The following BICRA variants were observed in gnomAD, a reference collection of about 807,000 sequenced individuals.
The protein encoded by BICRA is BRD4 interacting chromatin remodeling complex associated protein.
BICRA carries 31 observed loss-of-function variants against 96.9 expected under a neutral mutation model. The observed-to-expected ratio is 0.32, with a 90% CI of 0.24 to 0.43. The LOEUF (loss-of-function observed/expected upper bound fraction) is 0.43. Among genes scored for constraint, BICRA ranks in the 20% least tolerant of loss-of-function variants. BICRA has a pLI of 1.00. For missense variants in BICRA, 2,283 were observed against 2,190.3 expected, an observed-to-expected ratio of 1.04 and a Z score of -0.84; for synonymous variants, 1,350 against 1,071.8, an observed-to-expected ratio of 1.26 and a Z score of -5.07.
chr19:47,617,933 C>G (rs1972009210), intron 1 of BICRA, among the ~76,000 whole-genome samples: 3 of 152,182 alleles, frequency 2.0e-5, no homozygotes, highest in Admixed American at 2.0e-4. Context: ...TTCAGCACCT[C>G]CAGAGTCTGT....
intron 11 of BICRA, among the ~76,000 whole-genome samples, chr19:47,697,489 G>A (rs1362197454): frequency 6.6e-6 from 1 of 151,230 alleles, no homozygotes; most frequent in African/African-American, 2.4e-5. Context: ...GTTTTGTTTT[G>A]TTTTTGGAGA....
At position 47,698,595 on chromosome 19, in the gene BICRA, C is replaced by A. The variant is rs28399236; in HGVS notation, c.3249-39C>A. On this transcript the variant is annotated intron_variant, in intron 11 of 14. Transcript: ENST00000594866. The surrounding 1 kb of genome is among the most constrained non-coding windows in gnomAD (Gnocchi z 4.8). ...CCCTGGCCCTCACCCGTCCCCCCCA[C>A]CCTCCGCCGTGTGTGGTCTCTCCCC... is the stretch of plus-strand genomic sequence containing the variant. 1 of 927,912 alleles carries A rather than the reference C, an allele frequency of 1.1e-6. No individual in the cohort carries two copies. The highest frequency in any genetic ancestry group is 1.8e-6 in the Non-Finnish European group (1 of 565,684). 57.5% of individuals were successfully genotyped at this position (927,912 alleles called of 1,614,324 possible). A position where few individuals can be genotyped will look rare whatever the true frequency, so the allele number is the denominator to read the frequency against.
At chr19:47,667,813 G>A (rs190062791) in intron 1 of BICRA, among the ~76,000 whole-genome samples, 5 of 152,260 alleles carry the variant, frequency 3.3e-5, no homozygotes, top group East Asian at 1.9e-4. Context: ...ACCCAGCCTC[G>A]CGATAGTGCC....
At position 47,701,404 on chromosome 19, in the gene BICRA, C is replaced by A; in HGVS notation, c.3672C>A (p.His1224Gln). Residue 1224 changes from histidine to glutamine, a missense_variant, in exon 15 of 15, where the codon CAC (histidine) becomes CAA (glutamine). By Grantham distance (24) the His-to-Gln change is conservative. Coordinates refer to ENST00000594866, the MANE Select transcript of BICRA (RefSeq NM_001394372.1). The surrounding 1 kb of genome is among the most constrained non-coding windows in gnomAD (Gnocchi z 5.4). ...CCGAGGGTCATCGGCTTCCCGGCCA[C>A]GGCCCCCTGTCGTCTTCAGCTCCCG... is the stretch of plus-strand genomic sequence containing the variant. ...ASSEGHRLPG[H>Q]GPLSSSAPGA... 1.2e-6 allele frequency: 2 copies of A among 1,601,782 alleles called. No homozygotes were observed. Among genetic ancestry groups the A allele is most frequent in the Non-Finnish European group, 1.7e-6 (2 of 1,175,036 alleles).
At chr19:47,637,046 C>A (rs529365984) in intron 1 of BICRA, among the ~76,000 whole-genome samples, 2 of 150,102 alleles carry the variant, frequency 1.3e-5, no homozygotes, top group Non-Finnish European at 2.9e-5. Context: ...TTGCGCGTCT[C>A]TCTCACTGCT....
In BICRA at chr19:47,699,538, AC is replaced by A; in HGVS notation, c.3595+135del. Reference sequence around the variant, plus strand: ...CACCACTAGGCGGTGCCCCAGCTCCACCTTCCTGCTGGCAGCTGTGCCTCCC... The same window carrying A: ...CACCACTAGGCGGTGCCCCAGCTCCACTTCCTGCTGGCAGCTGTGCCTCCC... On this transcript the variant is annotated intron_variant, in intron 14 of 14. Coordinates refer to ENST00000594866, the MANE Select transcript of BICRA (RefSeq NM_001394372.1). This position sits in a 1 kb window ranked among gnomAD's most constrained non-coding sequence, Gnocchi z 5.0. 1 of 627,650 alleles carries A rather than the reference AC, an allele frequency of 1.6e-6. No homozygotes were observed. The highest frequency in any genetic ancestry group is 2.9e-6 in the Non-Finnish European group (1 of 348,474). The allele number at this position is 627,650 out of a possible 1,614,324, so 38.9% of individuals were successfully genotyped here.
intron 1 of BICRA, among the ~76,000 whole-genome samples, chr19:47,633,388 C>G (rs545308047): frequency 6.6e-6 from 1 of 152,158 alleles, no homozygotes; most frequent in East Asian, 1.9e-4. Flanking sequence ...GCGTATTTTT[C>G]CAAGATGGGA....
At chr19:47,692,636 G>A (rs183133062) in intron 7 of BICRA, among the ~76,000 whole-genome samples, 115 of 152,304 alleles carry the variant, frequency 7.6e-4, no homozygotes, top group African/African-American at 2.5e-3. Context: ...CCCACCAGCC[G>A]TACACAGCGC....
chr19:47,695,186 G>T, intron 9 of BICRA, 106 bp downstream of exon 9: 1 of 847,484 alleles, frequency 1.2e-6, no homozygotes, highest in South Asian at 1.7e-5. Flanking sequence ...ACTCAGCACA[G>T]GGCATCAGCC....
At chr19:47,652,373 A>C (rs1972553259) in intron 1 of BICRA, among the ~76,000 whole-genome samples, 2 of 152,102 alleles carry the variant, frequency 1.3e-5, no homozygotes, top group Non-Finnish European at 2.9e-5. Context: ...AATTTTTTAG[A>C]GAACAGGGTC....
Position 47,701,226 on chromosome 19 carries a change from G to A in BICRA, c.3596-102G>A. The A allele has an allele frequency of 2.6e-6, 2 of 779,784 alleles. No homozygotes were observed. The highest frequency in any genetic ancestry group is 4.3e-6 in the Non-Finnish European group (2 of 464,336). The allele number at this position is 779,784 out of a possible 1,614,324, so 48.3% of individuals were successfully genotyped here. ...ATTGGAGGGTCCAGGGTGCAGTCTG[G>A]TGCCTGGCAGGTAGTAGGTGCTCAC... On this transcript the variant is annotated intron_variant, in intron 14 of 14. Transcript: ENST00000594866. The surrounding 1 kb of genome is among the most constrained non-coding windows in gnomAD (Gnocchi z 5.4).
intron 1 of BICRA, among the ~76,000 whole-genome samples, chr19:47,629,392 C>T (rs1972187115): frequency 6.6e-6 from 1 of 152,196 alleles, no homozygotes. Context: ...ATGAATTTGA[C>T]TTTAAGTGCC....
At chr19:47,628,977 T>C (rs771618836) in intron 1 of BICRA, among the ~76,000 whole-genome samples, 110 of 151,844 alleles carry the variant, frequency 7.2e-4, no homozygotes, top group Non-Finnish European at 1.0e-3. Context: ...TCTCCAGAGC[T>C]TTTTCATCTT....
intron 1 of BICRA, among the ~76,000 whole-genome samples, chr19:47,669,035 C>T (rs539498455): frequency 1.3e-5 from 2 of 151,906 alleles, no homozygotes; most frequent in African/African-American, 4.8e-5. Flanking sequence ...ACCTGGGAGA[C>T]GGAGGTTGCA....
chr19:47,614,261 A>C (rs188709749), intron 1 of BICRA, among the ~76,000 whole-genome samples: 3 of 152,174 alleles, frequency 2.0e-5, no homozygotes, highest in African/African-American at 7.2e-5. Context: ...TCTCTTCCCC[A>C]GAGACAGCAC....
intron 1 of BICRA, among the ~76,000 whole-genome samples, chr19:47,667,166 C>G (rs930835820): frequency 6.6e-6 from 1 of 152,082 alleles, no homozygotes; most frequent in Non-Finnish European, 1.5e-5. Context: ...CTACAGGCGC[C>G]CACCCCCACG....
At chr19:47,676,845 C>T (rs932605549) in intron 5 of BICRA, among the ~76,000 whole-genome samples, 1 of 151,938 alleles carries the variant, frequency 6.6e-6, no homozygotes, top group Non-Finnish European at 1.5e-5. Context: ...CTTCTTACCA[C>T]GACCATCATT....
intron 7 of BICRA, among the ~76,000 whole-genome samples, chr19:47,684,878 A>T (rs1215907210): frequency 6.6e-6 from 1 of 152,170 alleles, no homozygotes; most frequent in East Asian, 1.9e-4. Flanking sequence ...CTAAAATGGG[A>T]ATAAGCCCAG....
chr19:47,676,300 A>G (rs942086429), intron 5 of BICRA, among the ~76,000 whole-genome samples: 17 of 152,036 alleles, frequency 1.1e-4, no homozygotes, highest in Non-Finnish European at 2.1e-4. Flanking sequence ...GTCCTGCCCA[A>G]CTCAGCCATG....
Sources: allele counts gnomAD v4.1 joint callset (sites outside exome capture counted in the v4.1 genomes callset), GRCh38; gene constraint gnomAD v4.1.1; non-coding constraint Gnocchi (gnomAD v3.1); transcripts MANE v1.5; gene names NCBI Gene and HGNC (gene_info 2026-07-23, HGNC 2026-07-21).